Variants in PDCD6IP observed in about 807,000 individuals in gnomAD.
PDCD6IP encodes programmed cell death 6-interacting protein.
A neutral mutation model predicts 103.7 loss-of-function variants in PDCD6IP; 43 were observed. The ratio of observed to expected loss-of-function variants is 0.41; its 90% CI spans 0.32 to 0.53. The LOEUF (loss-of-function observed/expected upper bound fraction) is 0.53, where lower values mean the gene tolerates loss of function less well. PDCD6IP is among the 20% of genes least tolerant of loss of function. The pLI is 0.16. For missense variants in PDCD6IP, 871 were observed against 1,036.7 expected, an observed-to-expected ratio of 0.84 and a Z score of 2.20; for synonymous variants, 354 against 378.7, an observed-to-expected ratio of 0.93 and a Z score of 0.76.
At chr3:33,845,665 C>A in intron 12 of PDCD6IP, 77 bp downstream of exon 12, 2 of 1,099,288 alleles carry the variant, frequency 1.8e-6, no homozygotes, top group South Asian at 1.7e-5. Context: ...AATGAACTGC[C>A]AATTTCTTAT....
chr3:33,813,664 G>T (rs373997652), intron 3 of PDCD6IP, 36 bp downstream of exon 3: 12 of 1,188,878 alleles, frequency 1.0e-5, no homozygotes, highest in African/African-American at 1.5e-5. Flanking sequence ...AGGAAAATTG[G>T]TCTAACTACT....
intron 3 of PDCD6IP, among the ~76,000 whole-genome samples, chr3:33,820,408 A>T (rs991785392): frequency 6.6e-6 from 1 of 152,168 alleles, no homozygotes; most frequent in African/African-American, 2.4e-5. Flanking sequence ...GACTGCATTT[A>T]AAAAAAATTT....
intron 15 of PDCD6IP, among the ~76,000 whole-genome samples, chr3:33,862,972 A>G (rs1042847367): frequency 1.8e-4 from 27 of 152,210 alleles, no homozygotes; most frequent in Admixed American, 1.6e-3. Context: ...TCAGAAATAT[A>G]AAAAAGATAC....
intron 1 of PDCD6IP, among the ~76,000 whole-genome samples, chr3:33,806,918 C>G (rs556473280): frequency 1.3e-5 from 2 of 152,322 alleles, no homozygotes; most frequent in East Asian, 3.9e-4. Context: ...TGATCTCTCT[C>G]ATTTTGTTGG....
intron 2 of PDCD6IP, 62 bp downstream of exon 2, chr3:33,812,188 T>C (rs9871647): frequency 0.02 from 30,481 of 1,550,338 alleles, 362 homozygotes; most frequent in African/African-American, 0.048. Flanking sequence ...TCTGCCAATA[T>C]CTTCACTGTC....
At position 33,866,363 on chromosome 3, in the gene PDCD6IP, G is replaced by T; in HGVS notation, c.2445G>T (p.Met815Ile). 6.4e-7 allele frequency: 1 copy of T among 1,552,634 alleles called. No homozygotes were observed. Among genetic ancestry groups the T allele is most frequent in the South Asian group, 1.2e-5 (1 of 80,616 alleles). ...TTTCTTCTATCAGGTATTGCCAAAT[G>T]CCCATGCCCATGGGCTATAATCCTT... ...TYPGYPGYCQ[M>I]PMPMGYNPYA... Residue 815 changes from methionine to isoleucine, a missense_variant, in exon 18 of 18, where the codon ATG becomes ATT. Physicochemically the swap from Met to Ile is conservative, Grantham distance 10. This residue lies in a region of PDCD6IP where 202 missense variants were observed against 205.2 expected (regional missense o/e 0.98). Transcript: ENST00000307296.
intron 7 of PDCD6IP, among the ~76,000 whole-genome samples, chr3:33,829,523 G>A (rs117406634): frequency 6.6e-6 from 1 of 152,124 alleles, no homozygotes; most frequent in East Asian, 1.9e-4. Context: ...CTTGTGAACA[G>A]CAGAGTACCT....
At chr3:33,828,290 A>T (rs1357998257) in intron 6 of PDCD6IP, among the ~76,000 whole-genome samples, 1 of 152,180 alleles carries the variant, frequency 6.6e-6, no homozygotes, top group East Asian at 1.9e-4. Flanking sequence ...ATGATACTAA[A>T]TCATTTTTAT....
chr3:33,814,899 T>A (rs1696811707), intron 3 of PDCD6IP, among the ~76,000 whole-genome samples: 1 of 146,236 alleles, frequency 6.8e-6, no homozygotes, highest in Non-Finnish European at 1.5e-5. Context: ...CATGTACACA[T>A]ATACATATAT....
intron 8 of PDCD6IP, among the ~76,000 whole-genome samples, chr3:33,838,002 T>TG (rs1697387879): frequency 6.6e-6 from 1 of 152,202 alleles, no homozygotes; most frequent in Admixed American, 6.5e-5. Flanking sequence ...TTTTCATTGT[T>TG]GCCGTTGTCC....
Position 33,813,550 on chromosome 3 carries a change from T to G in PDCD6IP, c.265-9T>G, listed in dbSNP as rs755450823. 49 of 1,575,052 alleles carry G rather than the reference T, an allele frequency of 3.1e-5. No homozygotes were observed. The highest frequency in any genetic ancestry group is 3.9e-5 in the Non-Finnish European group (45 of 1,151,276). ...TACCTAATTTTCTGTTTTCTTTCAT[T>G]CTATCCAGATCTGCTTGACATTTAC... On this transcript the variant is annotated splice_polypyrimidine_tract_variant and intron_variant, in intron 2 of 17. Coordinates refer to ENST00000307296, the MANE Select transcript of PDCD6IP (RefSeq NM_013374.6).
intron 9 of PDCD6IP, among the ~76,000 whole-genome samples, chr3:33,840,805 T>C (rs1333942484): frequency 6.6e-6 from 1 of 152,342 alleles, no homozygotes; most frequent in East Asian, 1.9e-4. Flanking sequence ...TGTGAAATTA[T>C]AACTATTGAT....
In PDCD6IP at chr3:33,865,324, C is replaced by G; in HGVS notation, c.2326C>G (p.Pro776Ala). 6.3e-7 allele frequency: 1 copy of G among 1,596,378 alleles called. No individual in the cohort carries two copies. Among genetic ancestry groups the G allele is most frequent in the Non-Finnish European group, 8.5e-7 (1 of 1,172,304 alleles). Residue 776 changes from proline (P) to alanine (A), a missense_variant, in exon 17 of 18, where the codon CCA becomes GCA. Transcript: ENST00000307296. Reference protein sequence around the residue: ...NRAPSATAPSPVGAGTAAPAP... With the variant: ...NRAPSATAPSAVGAGTAAPAP... Reference sequence around the variant, plus strand: ...AGCTCCTTCTGCTACTGCTCCATCTCCAGTGGGGGCTGGGACTGCTGCGCC... The same window carrying G: ...AGCTCCTTCTGCTACTGCTCCATCTGCAGTGGGGGCTGGGACTGCTGCGCC...
At chr3:33,808,757 C>G (rs766314483) in intron 1 of PDCD6IP, among the ~76,000 whole-genome samples, 10 of 152,196 alleles carry the variant, frequency 6.6e-5, no homozygotes, top group Non-Finnish European at 1.2e-4. Context: ...AGTCATATTG[C>G]TGTTTTGTCC....
rs577012743 is a variant in PDCD6IP, at chr3:33,804,950, C to T, written c.209+6013C>T. Among the ~76,000 whole-genome samples the T allele has an allele frequency of 2.6e-5, 4 of 152,350 alleles. No homozygotes were observed. In the East Asian group the frequency reaches 5.8e-4, roughly 22 times the overall value. ...CTCTAGTTGGTGGTCTGGAGTTGCA[C>T]ATCCCTAAATACAGATTGCAGCTGA... is the stretch of plus-strand genomic sequence containing the variant. On this transcript the variant is annotated intron_variant, in intron 1 of 17. Transcript: ENST00000307296.
At chr3:33,807,083 C>A (rs370546580) in intron 1 of PDCD6IP, among the ~76,000 whole-genome samples, 1 of 152,188 alleles carries the variant, frequency 6.6e-6, no homozygotes, top group African/African-American at 2.4e-5. Context: ...GATATAAATG[C>A]CCTGTTCCCC....
chr3:33,824,338 A>C (rs1575915717), intron 4 of PDCD6IP, among the ~76,000 whole-genome samples: 1 of 151,010 alleles, frequency 6.6e-6, no homozygotes, highest in South Asian at 2.1e-4. Flanking sequence ...GCTCACTGCA[A>C]CCTCCGCCTC....
intron 3 of PDCD6IP, among the ~76,000 whole-genome samples, chr3:33,818,097 G>GTTTTTTT (rs756780125): frequency 2.1e-4 from 14 of 68,084 alleles, no homozygotes; most frequent in African/African-American, 3.8e-4. Context: ...TTTCATTCTT[G>GTTTTTTT]TTTTTTTTTT....
At chr3:33,840,621 C>A (rs1432234784) in intron 9 of PDCD6IP, among the ~76,000 whole-genome samples, 2 of 152,222 alleles carry the variant, frequency 1.3e-5, no homozygotes, top group Non-Finnish European at 2.9e-5. Flanking sequence ...TGTATTACAT[C>A]ATTTCATTTG....
Sources: gnomAD v4.1 joint callset for allele counts (sites outside exome capture counted in the v4.1 genomes callset) on GRCh38, gnomAD v4.1.1 for gene constraint, gnomAD v4.1.1 regional missense constraint, MANE v1.5 for transcripts, NCBI Gene and HGNC (gene_info 2026-07-23, HGNC 2026-07-21) for gene names.